Variants in IFIH1 observed in about 807,000 individuals in gnomAD.
The protein encoded by IFIH1 is interferon-induced helicase C domain-containing protein 1.
In IFIH1, 125 loss-of-function variants were observed where a neutral mutation model predicts 107.4. The ratio of observed to expected loss-of-function variants is 1.16; its 90% confidence interval spans 1.01 to 1.35. The LOEUF is 1.35. IFIH1 is among the 40% of genes most tolerant of loss of function. The probability of loss-of-function intolerance (pLI) is 0.00; values close to 1 mark genes in which losing one functional copy is unlikely to be tolerated. For missense variants in IFIH1, 1,333 were observed against 1,213.7 expected (o/e 1.10, Z -1.46); for synonymous variants, 458 against 413.2 (o/e 1.11, Z -1.31).
At chr2:162,288,402 CAG>C (rs1219404391) in intron 4 of IFIH1, 47 bp from the exon 5 acceptor site, 1 of 1,446,036 alleles carries the variant, frequency 6.9e-7, no homozygotes, top group Non-Finnish European at 9.7e-7. Flanking sequence ...AACAAAATAA[CAG>C]AGCTTAGGAA....
intron 2 of IFIH1, chr2:162,307,185 C>A: frequency 5.3e-6 from 1 of 189,686 alleles, no homozygotes; most frequent in Non-Finnish European, 1.1e-5. Flanking sequence ...AATATGGACA[C>A]AACGAGTAGT....
At chr2:162,290,886 A>G (rs1200054396) in intron 4 of IFIH1, among the ~76,000 whole-genome samples, 1 of 151,890 alleles carries the variant, frequency 6.6e-6, no homozygotes, top group African/African-American at 2.4e-5. Flanking sequence ...ACAGGGATGG[A>G]AGAATTTATC....
chr2:162,309,819 ATCAAGCTGCTCCT>A (rs2105229697), intron 2 of IFIH1, among the ~76,000 whole-genome samples: 1 of 152,360 alleles, frequency 6.6e-6, no homozygotes, highest in Non-Finnish European at 1.5e-5. Flanking sequence ...GTTAGGGGAA[ATCAAGCTGCTCCT>A]TCAGCATTTT....
At chr2:162,273,999 T>C in intron 11 of IFIH1, 55 bp from the exon 12 acceptor site, 1 of 1,201,020 alleles carries the variant, frequency 8.3e-7, no homozygotes, top group Non-Finnish European at 1.2e-6. Context: ...ATTAAAATCT[T>C]CTAATTAGAG....
intron 3 of IFIH1, among the ~76,000 whole-genome samples, chr2:162,302,988 C>G (rs937237110): frequency 2.0e-5 from 3 of 152,192 alleles, no homozygotes; most frequent in African/African-American, 7.2e-5. Context: ...CTTACATGCT[C>G]TCAGACTATT....
intron 7 of IFIH1, among the ~76,000 whole-genome samples, chr2:162,280,391 G>A (rs1413913819): frequency 6.6e-6 from 1 of 152,048 alleles, no homozygotes; most frequent in Non-Finnish European, 1.5e-5. Context: ...AGAAAAAGGT[G>A]TATTGATATT....
chr2:162,282,360 A>G lies in IFIH1; in HGVS notation c.1306+6T>C, dbSNP rs2105202990. ...TTTTTTTAAAAAAATAAACACTTAA[A>G]CTGACCTGACAATTGAACACCAGCA... On this transcript the variant is annotated splice_donor_region_variant and intron_variant, in intron 6 of 15. Coordinates refer to ENST00000649979, the MANE Select transcript of IFIH1 (RefSeq NM_022168.4). The G allele has an allele frequency of 6.3e-7, 1 of 1,591,146 alleles. No individual in the cohort carries two copies. Among genetic ancestry groups the G allele is most frequent in the Non-Finnish European group, 8.6e-7 (1 of 1,163,402 alleles).
intron 8 of IFIH1, 48 bp from the exon 9 acceptor site, chr2:162,278,376 G>A (rs1682744562): frequency 1.1e-6 from 1 of 933,806 alleles, no homozygotes; most frequent in African/African-American, 1.7e-5. Flanking sequence ...ATTGTTAAAG[G>A]AATAACATTA....
At chr2:162,298,361 G>C (rs1013125934) in intron 3 of IFIH1, among the ~76,000 whole-genome samples, 1 of 152,138 alleles carries the variant, frequency 6.6e-6, no homozygotes, top group Non-Finnish European at 1.5e-5. Flanking sequence ...CATTACAGCA[G>C]GAAACGCGAG....
At chr2:162,294,934 T>C (rs984507621) in intron 3 of IFIH1, among the ~76,000 whole-genome samples, 6 of 151,990 alleles carry the variant, frequency 3.9e-5, no homozygotes, top group Non-Finnish European at 1.5e-5. Context: ...AGAGATGATA[T>C]ACAACTCAAA....
intron 2 of IFIH1, chr2:162,310,192 A>G (rs1014550829): frequency 1.3e-5 from 2 of 152,452 alleles, no homozygotes; most frequent in African/African-American, 4.8e-5. Context: ...TTCATATGAT[A>G]TTTTTGGAAA....
rs1281500825 is a variant in IFIH1 at position 162,310,860 on chromosome 2, TTTTC to T, written c.523_526del (p.Glu175ThrfsTer7). The T allele has an allele frequency of 1.2e-6, 2 of 1,612,992 alleles. No individual in the cohort carries two copies. The highest frequency in any genetic ancestry group is 1.7e-6 in the Non-Finnish European group (2 of 1,179,146). ...AACATTCAGAAATGCAGAGAACCAG[TTTTC>T]TTTCTGCACAATCCTTTTTAGTAGC... On this transcript the variant is annotated frameshift_variant, in exon 2 of 16. Coordinates refer to ENST00000649979, the MANE Select transcript of IFIH1 (RefSeq NM_022168.4). LOFTEE classifies it high-confidence loss of function.
chr2:162,278,800 A>G (rs1558866581), intron 8 of IFIH1, among the ~76,000 whole-genome samples: 1 of 152,148 alleles, frequency 6.6e-6, no homozygotes, highest in Admixed American at 6.6e-5. Flanking sequence ...TTCCATTTAT[A>G]TAAAGTTCAG....
rs377075394 is a variant in IFIH1 at position 162,314,482 on chromosome 2, TTC to T, written c.453+3371_453+3372del. ...TTTCTTTCTTTCTTTCTTTCTTTCT[TTC>T]TTTTTCTTTCTCTCTTTCTTATTAG... On this transcript the variant is annotated intron_variant, in intron 1 of 15. Transcript: ENST00000649979. Among the ~76,000 whole-genome samples the T allele has an allele frequency of 7.8e-3, 967 of 124,060 alleles. 196 individuals are homozygous for T. The highest frequency in any genetic ancestry group is 0.047 in the African/African-American group (934 of 19,742). The allele number at this position is 124,060 out of a possible 152,430, so 81.4% of individuals were successfully genotyped here.
At chr2:162,275,772 A>G (rs1222133138) in intron 11 of IFIH1, among the ~76,000 whole-genome samples, 2 of 152,194 alleles carry the variant, frequency 1.3e-5, no homozygotes, top group African/African-American at 4.8e-5. Context: ...TCATTGCTTC[A>G]TGCATGCTTG....
At chr2:162,302,537 C>T (rs766886001) in intron 3 of IFIH1, among the ~76,000 whole-genome samples, 2 of 152,130 alleles carry the variant, frequency 1.3e-5, no homozygotes, top group East Asian at 3.8e-4. Context: ...TACACAAATG[C>T]ATATTAGAAG....
rs1346345254 is a variant in IFIH1 at position 162,306,765 on chromosome 2, C to A, written c.713G>T (p.Trp238Leu). 1 of 1,613,928 alleles carries A rather than the reference C, an allele frequency of 6.2e-7. No homozygotes were observed. The highest frequency in any genetic ancestry group is 8.5e-7 in the Non-Finnish European group (1 of 1,179,882). Residue 238 changes from tryptophan to leucine, a missense_variant, in exon 3 of 16, where the codon TGG becomes TTG. By Grantham distance (61) the Trp-to-Leu change is moderately conservative (BLOSUM62 -2). Coordinates refer to ENST00000649979, the MANE Select transcript of IFIH1 (RefSeq NM_022168.4). ...TTCTGATGAGTTATTCTCCATGCCCCAGACCTCCTTCTCCAGATTTGGCTG... is the reference window on the plus strand; with the variant it reads ...TTCTGATGAGTTATTCTCCATGCCCAAGACCTCCTTCTCCAGATTTGGCTG... ...TVQPNLEKEV[W>L]GMENNSSESS...
chr2:162,296,284 G>T (rs983393482), intron 3 of IFIH1, among the ~76,000 whole-genome samples: 5 of 152,026 alleles, frequency 3.3e-5, no homozygotes, highest in African/African-American at 1.2e-4. Flanking sequence ...CCAAAATAGG[G>T]TATTATTAAT....
intron 1 of IFIH1, among the ~76,000 whole-genome samples, chr2:162,317,046 T>TGTGC (rs1353741252): frequency 6.6e-6 from 1 of 151,922 alleles, no homozygotes; most frequent in African/African-American, 2.4e-5. Flanking sequence ...TGTGTGTGTG[T>TGTGC]GTGTGATTGC....
Sources: allele counts gnomAD v4.1 joint callset (sites outside exome capture counted in the v4.1 genomes callset), GRCh38; gene constraint gnomAD v4.1.1; transcripts MANE v1.5; gene names NCBI Gene and HGNC (gene_info 2026-07-23, HGNC 2026-07-21).